Variants in DIAPH3 observed in about 807,000 individuals in gnomAD.
The protein encoded by DIAPH3 is diaphanous related formin 3.
DIAPH3 carries 117 observed loss-of-function variants against 144.3 expected under a neutral mutation model. The observed-to-expected ratio is 0.81, with a 90% confidence interval of 0.70 to 0.95. The LOEUF is 0.95. Among genes scored for constraint, DIAPH3 ranks in the 40% least tolerant of loss-of-function variants. DIAPH3 has a pLI of 0.00. For synonymous variants in DIAPH3, 519 were observed against 488.9 expected (o/e 1.06, Z -0.81); for missense variants, 1,421 against 1,412.7 (o/e 1.01, Z -0.09).
chr13:59,847,232 A>G (rs985014273), intron 22 of DIAPH3, among the ~76,000 whole-genome samples: 2 of 152,158 alleles, frequency 1.3e-5, no homozygotes, highest in Non-Finnish European at 2.9e-5. Flanking sequence ...TGGAATTTGC[A>G]TTCCTTAATT....
intron 27 of DIAPH3, among the ~76,000 whole-genome samples, chr13:59,732,913 A>G (rs1372381404): frequency 6.6e-6 from 1 of 152,194 alleles, no homozygotes; most frequent in Non-Finnish European, 1.5e-5. Flanking sequence ...AAAAGAATAG[A>G]TTAGAAAAGA....
chr13:59,802,027 T>C (rs150812202), intron 25 of DIAPH3, among the ~76,000 whole-genome samples: 1 of 151,222 alleles, frequency 6.6e-6, no homozygotes, highest in African/African-American at 2.4e-5. Flanking sequence ...TCAACACCAA[T>C]GAATAGATTT....
intron 27 of DIAPH3, among the ~76,000 whole-genome samples, chr13:59,716,254 C>A (rs1293257726): frequency 1.3e-5 from 2 of 152,184 alleles, no homozygotes; most frequent in African/African-American, 4.8e-5. Flanking sequence ...CGGCTCACTG[C>A]AAGCTCCGCC....
Position 59,666,361 on chromosome 13 carries a change from A to AG in DIAPH3, c.*222_*223insC, listed in dbSNP as rs1806310157. On this transcript the variant is annotated 3_prime_UTR_variant, in exon 28 of 28. Coordinates refer to ENST00000400324, the MANE Select transcript of DIAPH3 (RefSeq NM_001042517.2). ...GAACTGAGGAATACCAGGAGACAAA[A>AG]AAAAAAAAAAAAGGATTAAAGCCCG... 2 of 361,134 alleles carry AG rather than the reference A, an allele frequency of 5.5e-6. 1 individual carries two copies. The highest frequency in any genetic ancestry group is 9.2e-5 in the Admixed American group (2 of 21,744). The allele number at this position is 361,134 out of a possible 1,614,324, so 22.4% of individuals were successfully genotyped here.
At chr13:59,733,213 G>A (rs1053029241) in intron 27 of DIAPH3, among the ~76,000 whole-genome samples, 1 of 152,046 alleles carries the variant, frequency 6.6e-6, no homozygotes, top group Non-Finnish European at 1.5e-5. Context: ...TTTATCCAAA[G>A]GAGACTATTA....
intron 27 of DIAPH3, among the ~76,000 whole-genome samples, chr13:59,685,036 C>T (rs2033143205): frequency 6.6e-6 from 1 of 152,070 alleles, no homozygotes. Context: ...CTTTCTCTTA[C>T]AGCATGGTAA....
intron 27 of DIAPH3, among the ~76,000 whole-genome samples, chr13:59,708,181 GC>G (rs1360065937): frequency 6.6e-6 from 1 of 151,596 alleles, no homozygotes; most frequent in African/African-American, 2.4e-5. Flanking sequence ...TCCTGCCTCA[GC>G]CTCCCAAGTA....
At chr13:60,088,513 C>G (rs1566757368) in intron 4 of DIAPH3, among the ~76,000 whole-genome samples, 4 of 152,160 alleles carry the variant, frequency 2.6e-5, no homozygotes, top group Admixed American at 6.5e-5. Flanking sequence ...CCTCTCAGGA[C>G]TTCCCTAGTT....
At chr13:59,934,312 T>G (rs1333859673) in intron 17 of DIAPH3, among the ~76,000 whole-genome samples, 3 of 152,174 alleles carry the variant, frequency 2.0e-5, no homozygotes, top group South Asian at 2.1e-4. Flanking sequence ...TTATTAAATT[T>G]TACATGTTAA....
intron 4 of DIAPH3, among the ~76,000 whole-genome samples, chr13:60,048,918 C>T (rs910323060): frequency 6.6e-6 from 1 of 151,496 alleles, no homozygotes; most frequent in Admixed American, 6.6e-5. Flanking sequence ...ATATACATTG[C>T]CCATATTACT....
chr13:60,013,025 CTG>C (rs2053384353), intron 7 of DIAPH3: 7 of 985,228 alleles, frequency 7.1e-6, no homozygotes, highest in African/African-American at 1.7e-5. Flanking sequence ...ACTGTTGACT[CTG>C]TGTGAGAAGT....
chr13:60,157,626 C>T (rs1312915370), intron 1 of DIAPH3, among the ~76,000 whole-genome samples: 2 of 152,132 alleles, frequency 1.3e-5, no homozygotes, highest in African/African-American at 2.4e-5. Flanking sequence ...TTGTATGGGT[C>T]ACATTTTCCT....
chr13:59,929,953 G>C (rs2047943328), intron 17 of DIAPH3, among the ~76,000 whole-genome samples: 1 of 152,078 alleles, frequency 6.6e-6, no homozygotes, highest in Non-Finnish European at 1.5e-5. Flanking sequence ...TGAATTGCAA[G>C]GTAATTGCAA....
intron 1 of DIAPH3, among the ~76,000 whole-genome samples, chr13:60,160,533 A>G (rs780934436): frequency 6.6e-6 from 1 of 152,224 alleles, no homozygotes; most frequent in African/African-American, 2.4e-5. Context: ...GGTATTACTG[A>G]AAGGCTTTCC....
At chr13:60,144,179 T>C (rs12585751) in intron 1 of DIAPH3, among the ~76,000 whole-genome samples, 6,005 of 152,232 alleles carry the variant, frequency 0.039, 176 homozygotes, top group East Asian at 0.1. Flanking sequence ...TGACTACATA[T>C]GAGAATCACC....
intron 22 of DIAPH3, among the ~76,000 whole-genome samples, chr13:59,847,056 G>A (rs1412056749): frequency 6.6e-6 from 1 of 152,252 alleles, no homozygotes; most frequent in Admixed American, 6.5e-5. Context: ...TCCAACCTGG[G>A]CGACAGAGGG....
intron 1 of DIAPH3, among the ~76,000 whole-genome samples, chr13:60,135,867 A>G (rs2059258610): frequency 1.3e-5 from 2 of 152,226 alleles, no homozygotes; most frequent in Admixed American, 6.5e-5. Context: ...ATGTCTCATC[A>G]TAGTTTACTT....
intron 27 of DIAPH3, among the ~76,000 whole-genome samples, chr13:59,706,281 C>T (rs183072601): frequency 7.9e-5 from 12 of 152,226 alleles, no homozygotes; most frequent in South Asian, 4.1e-4. Context: ...GTTGCGGCCA[C>T]GGATGCTGAA....
At chr13:60,055,723 T>A (rs2056529498) in intron 4 of DIAPH3, among the ~76,000 whole-genome samples, 1 of 151,798 alleles carries the variant, frequency 6.6e-6, no homozygotes, top group African/African-American at 2.4e-5. Flanking sequence ...CTTATGTTTA[T>A]GAAAGAAAGA....
Sources: allele counts gnomAD v4.1 joint callset (sites outside exome capture counted in the v4.1 genomes callset), GRCh38; gene constraint gnomAD v4.1.1; transcripts MANE v1.5; gene names NCBI Gene and HGNC (gene_info 2026-07-23, HGNC 2026-07-21).